TTLL11: variants seen among roughly 807,000 people sequenced by gnomAD.
TTLL11 encodes tubulin tyrosine ligase like 11.
TTLL11 carries 42 observed loss-of-function variants against 51.7 expected under a neutral mutation model. The observed-to-expected ratio is 0.81, with a 90% CI of 0.64 to 1.05. The LOEUF (loss-of-function observed/expected upper bound fraction) is 1.05, where lower values mean the gene tolerates loss of function less well. Among genes scored for constraint, TTLL11 ranks in the 50% least tolerant of loss-of-function variants. The pLI is 0.00. For synonymous variants in TTLL11, 381 were observed against 383.5 expected (o/e 0.99, Z 0.08); for missense variants, 799 against 940.4 (o/e 0.85, Z 1.97).
rs186797752 is a variant in TTLL11 at position 121,907,484 on chromosome 9, T to C, written c.1482-36736A>G. On this transcript the variant is annotated intron_variant, in intron 6 of 8. Coordinates refer to ENST00000321582, the MANE Select transcript of TTLL11 (RefSeq NM_001139442.2). ...AAAAAAATAGAGATTTCAATGATCC[T>C]ATTAAAAAGCTTGTCCGTGGATGAA... Among the ~76,000 whole-genome samples, 19 of 151,792 alleles carry C rather than the reference T, an allele frequency of 1.3e-4. No individual in the cohort carries two copies. In the East Asian group the frequency reaches 3.3e-3, roughly 26 times the overall value.
chr9:122,079,730 C>T (rs995499782), intron 1 of TTLL11, among the ~76,000 whole-genome samples: 1 of 151,894 alleles, frequency 6.6e-6, no homozygotes, highest in East Asian at 1.9e-4. Context: ...AAGAAATCAC[C>T]TATCAAAACT....
chr9:121,887,314 C>T (rs957865275), intron 6 of TTLL11, among the ~76,000 whole-genome samples: 6 of 152,212 alleles, frequency 3.9e-5, no homozygotes, highest in African/African-American at 1.2e-4. Flanking sequence ...TGCAGGGAGG[C>T]GGTGAGAGTG....
chr9:121,976,282 A>G (rs1482628126), intron 4 of TTLL11, among the ~76,000 whole-genome samples: 2 of 152,130 alleles, frequency 1.3e-5, no homozygotes, highest in South Asian at 2.1e-4. Flanking sequence ...GTTTCTTTCT[A>G]TTCCTTACAG....
intron 6 of TTLL11, among the ~76,000 whole-genome samples, chr9:121,925,934 G>A (rs947119112): frequency 2.0e-5 from 3 of 152,206 alleles, no homozygotes; most frequent in African/African-American, 7.2e-5. Flanking sequence ...AGAACATAAA[G>A]CATTCATCTT....
intron 8 of TTLL11, among the ~76,000 whole-genome samples, chr9:121,852,389 C>T (rs7041845): frequency 0.018 from 2,673 of 152,270 alleles, 80 homozygotes; most frequent in African/African-American, 0.061. Flanking sequence ...GGGAAGGTAG[C>T]AGAGTATTGA....
At chr9:121,978,132 A>G (rs868005279) in intron 4 of TTLL11, among the ~76,000 whole-genome samples, 54 of 152,240 alleles carry the variant, frequency 3.5e-4, no homozygotes, top group African/African-American at 1.3e-3. Context: ...TGATACATAG[A>G]AAGTGCTTAA....
At chr9:122,092,558 A>C in intron 1 of TTLL11, 129 bp downstream of exon 1, 1 of 1,444,980 alleles carries the variant, frequency 6.9e-7, no homozygotes, top group South Asian at 1.4e-5. Flanking sequence ...GCTGACAAGC[A>C]GGCCCGAGCG....
At chr9:121,929,002 T>A (rs1410198348) in intron 6 of TTLL11, among the ~76,000 whole-genome samples, 4 of 152,188 alleles carry the variant, frequency 2.6e-5, no homozygotes. Flanking sequence ...CTCATTTGAA[T>A]AAAAAACAAT....
intron 2 of TTLL11, among the ~76,000 whole-genome samples, chr9:122,036,247 C>A (rs1297982686): frequency 6.6e-6 from 1 of 151,958 alleles, no homozygotes; most frequent in Non-Finnish European, 1.5e-5. Context: ...GCTGTCCCCA[C>A]AGGTTCCTCA....
chr9:122,089,039 A>C (rs1196236320), intron 1 of TTLL11, among the ~76,000 whole-genome samples: 1 of 144,042 alleles, frequency 6.9e-6, no homozygotes, highest in Non-Finnish European at 1.5e-5. Context: ...AAAAAAAGTG[A>C]AAAAGGAAGC....
At chr9:122,062,022 G>A (rs1334602433) in intron 1 of TTLL11, among the ~76,000 whole-genome samples, 2 of 152,200 alleles carry the variant, frequency 1.3e-5, no homozygotes, top group East Asian at 3.8e-4. Flanking sequence ...TTCTCTGTCA[G>A]GTAATCCTGT....
At chr9:122,027,248 T>C (rs937862914) in intron 3 of TTLL11, among the ~76,000 whole-genome samples, 1 of 152,202 alleles carries the variant, frequency 6.6e-6, no homozygotes, top group Non-Finnish European at 1.5e-5. Context: ...TCTGTCCCCA[T>C]GATCCAATCA....
rs144547549 is a variant in TTLL11, at chr9:122,039,470, T to C, written c.463-102A>G. ...TCCTGGCACCCTGGTGTACTTACCA[T>C]GGTTTAATCCTTATAATACGCATAT... On this transcript the variant is annotated intron_variant, in intron 1 of 8. Transcript: ENST00000321582. 8.1e-4 allele frequency: 686 copies of C among 843,682 alleles called. 2 individuals are homozygous for C. The African/African-American group carries it at 0.011, about 13-fold the overall frequency. The allele number at this position is 843,682 out of a possible 1,614,324, so 52.3% of individuals were successfully genotyped here.
At chr9:122,046,808 T>C (rs949609034) in intron 1 of TTLL11, among the ~76,000 whole-genome samples, 2 of 152,106 alleles carry the variant, frequency 1.3e-5, no homozygotes, top group Non-Finnish European at 2.9e-5. Flanking sequence ...CGTGGCAAGA[T>C]AGCGAGGAGA....
intron 8 of TTLL11, among the ~76,000 whole-genome samples, chr9:121,827,837 G>A (rs1052550790): frequency 6.6e-6 from 1 of 152,162 alleles, no homozygotes; most frequent in Non-Finnish European, 1.5e-5. Context: ...AGGAGTCAGC[G>A]CACTCAGATG....
chr9:121,887,456 C>T (rs569202897), intron 6 of TTLL11, among the ~76,000 whole-genome samples: 1 of 152,330 alleles, frequency 6.6e-6, no homozygotes, highest in African/African-American at 2.4e-5. Flanking sequence ...CCTGCAATTT[C>T]TCTTCCCCAC....
At chr9:122,016,429 G>C (rs575116072) in intron 3 of TTLL11, among the ~76,000 whole-genome samples, 1 of 152,304 alleles carries the variant, frequency 6.6e-6, no homozygotes, top group South Asian at 2.1e-4. Flanking sequence ...TCAGCACATT[G>C]TCTACAGGAA....
intron 6 of TTLL11, among the ~76,000 whole-genome samples, chr9:121,915,849 C>T (rs1186330205): frequency 1.3e-5 from 2 of 152,028 alleles, no homozygotes; most frequent in Non-Finnish European, 2.9e-5. Context: ...CTTATACAAG[C>T]AGCAGTTGGC....
At chr9:122,019,981 G>T (rs1844118945) in intron 3 of TTLL11, among the ~76,000 whole-genome samples, 1 of 152,154 alleles carries the variant, frequency 6.6e-6, no homozygotes, top group Admixed American at 6.5e-5. Context: ...CTTCTGCCAT[G>T]ATTGTGAGGC....
Sources: allele counts gnomAD v4.1 joint callset (sites outside exome capture counted in the v4.1 genomes callset), GRCh38; gene constraint gnomAD v4.1.1; transcripts MANE v1.5; gene names NCBI Gene and HGNC (gene_info 2026-07-23, HGNC 2026-07-21).